ZNF804A: variants seen among roughly 807,000 people sequenced by gnomAD.
ZNF804A encodes zinc finger protein 804A.
In ZNF804A, 2 loss-of-function variants were observed where a neutral mutation model predicts 16.5. The ratio of observed to expected loss-of-function variants is 0.12; its 90% CI spans 0.05 to 0.38. The LOEUF is 0.38. Among genes scored for constraint, ZNF804A ranks in the 10% least tolerant of loss-of-function variants. The probability of loss-of-function intolerance (pLI) is 0.99; values close to 1 mark genes in which losing one functional copy is unlikely to be tolerated. For missense variants in ZNF804A, 1,473 were observed against 1,390.7 expected, an observed-to-expected ratio of 1.06 and a Z score of -0.94; for synonymous variants, 534 against 489.6, an observed-to-expected ratio of 1.09 and a Z score of -1.20.
intron 1 of ZNF804A, among the ~76,000 whole-genome samples, chr2:184,644,329 C>G (rs2105695855): frequency 6.6e-6 from 1 of 151,652 alleles, no homozygotes; most frequent in East Asian, 1.9e-4. Context: ...GTATTTATAA[C>G]CCATGCAGAA....
At chr2:184,688,839 T>G (rs1055948440) in intron 1 of ZNF804A, among the ~76,000 whole-genome samples, 15 of 152,148 alleles carry the variant, frequency 9.9e-5, no homozygotes, top group African/African-American at 3.6e-4. Flanking sequence ...ATGCTAAATA[T>G]CTGACTATTT....
At chr2:184,895,454 C>A (rs989088150) in intron 2 of ZNF804A, among the ~76,000 whole-genome samples, 1 of 152,138 alleles carries the variant, frequency 6.6e-6, no homozygotes, top group South Asian at 2.1e-4. Flanking sequence ...AATACTGAAT[C>A]GTTAATAAAA....
At chr2:184,745,262 T>A (rs541657173) in intron 1 of ZNF804A, among the ~76,000 whole-genome samples, 1 of 151,864 alleles carries the variant, frequency 6.6e-6, no homozygotes, top group African/African-American at 2.4e-5. Context: ...TACCCTACAT[T>A]AGTGTTCCCG....
At chr2:184,853,798 G>A (rs906453377) in intron 1 of ZNF804A, among the ~76,000 whole-genome samples, 28 of 147,272 alleles carry the variant, frequency 1.9e-4, no homozygotes, top group Admixed American at 1.7e-3. Flanking sequence ...TTGTTTGCTA[G>A]TACTTTATGC....
intron 1 of ZNF804A, among the ~76,000 whole-genome samples, chr2:184,676,809 T>G (rs1368856902): frequency 1.3e-5 from 2 of 151,800 alleles, no homozygotes; most frequent in Non-Finnish European, 3.0e-5. Context: ...TCTATGACCT[T>G]TTAGACTTCT....
chr2:184,907,380 T>C (rs180949773), intron 2 of ZNF804A, among the ~76,000 whole-genome samples: 96 of 152,312 alleles, frequency 6.3e-4, no homozygotes, highest in African/African-American at 2.0e-3. Flanking sequence ...GTTTTCTTCT[T>C]GTTTTTGACA....
intron 2 of ZNF804A, among the ~76,000 whole-genome samples, chr2:184,924,591 T>G (rs763906097): frequency 6.6e-6 from 1 of 151,710 alleles, no homozygotes; most frequent in Non-Finnish European, 1.5e-5. Context: ...TTTTTTCTTC[T>G]ACTAATTTTG....
rs538258206 is a variant in ZNF804A, at chr2:184,888,112, C to A, written c.255+21600C>A. ...ATATTACAGAACTGTACATGTAACC[C>A]TGAACCTAAAATAAAAATTTTTAAT... On this transcript the variant is annotated intron_variant, in intron 2 of 3. Transcript: ENST00000302277. Among the ~76,000 whole-genome samples the A allele has an allele frequency of 2.6e-5, 4 of 152,028 alleles. No homozygotes were observed. The East Asian group carries it at 7.7e-4, about 29-fold the overall frequency.
chr2:184,927,351 T>A (rs1685627552), intron 2 of ZNF804A, among the ~76,000 whole-genome samples: 2 of 151,342 alleles, frequency 1.3e-5, no homozygotes, highest in Admixed American at 1.3e-4. Context: ...ACAAATGGAG[T>A]CTCTCTCTCT....
chr2:184,763,417 C>T (rs1322799007), intron 1 of ZNF804A, among the ~76,000 whole-genome samples: 1 of 151,866 alleles, frequency 6.6e-6, no homozygotes, highest in Non-Finnish European at 1.5e-5. Context: ...TAATATTGTT[C>T]GTTTCTTTGT....
At chr2:184,850,257 T>G (rs368563343) in intron 1 of ZNF804A, among the ~76,000 whole-genome samples, 108 of 152,026 alleles carry the variant, frequency 7.1e-4, no homozygotes, top group African/African-American at 2.5e-3. Flanking sequence ...TGATGAATGC[T>G]TGAGGTGATG....
At chr2:184,776,749 G>C (rs1322174072) in intron 1 of ZNF804A, among the ~76,000 whole-genome samples, 1 of 151,400 alleles carries the variant, frequency 6.6e-6, no homozygotes, top group Non-Finnish European at 1.5e-5. Context: ...TAGTACCCCA[G>C]GGATTAGAGT....
intron 1 of ZNF804A, among the ~76,000 whole-genome samples, chr2:184,799,279 G>A (rs558201477): frequency 1.4e-4 from 22 of 151,974 alleles, no homozygotes; most frequent in African/African-American, 3.9e-4. Context: ...CCTCTCATCC[G>A]CCATGATGAT....
chr2:184,632,638 A>G (rs1691632508), intron 1 of ZNF804A, among the ~76,000 whole-genome samples: 1 of 152,198 alleles, frequency 6.6e-6, no homozygotes, highest in Admixed American at 6.5e-5. Flanking sequence ...TCTGCCTCCC[A>G]AAAAGCTGAG....
At chr2:184,754,915 C>T (rs887108033) in intron 1 of ZNF804A, among the ~76,000 whole-genome samples, 1 of 151,682 alleles carries the variant, frequency 6.6e-6, no homozygotes. Context: ...GAGAAGAAAG[C>T]CACACACCTT....
chr2:184,775,334 T>G (rs1051759567), intron 1 of ZNF804A, among the ~76,000 whole-genome samples: 10 of 151,734 alleles, frequency 6.6e-5, no homozygotes, highest in African/African-American at 2.4e-4. Context: ...AGCAATGATA[T>G]GAAACCACAA....
intron 1 of ZNF804A, among the ~76,000 whole-genome samples, chr2:184,607,066 A>G (rs1446044582): frequency 1.3e-5 from 2 of 152,210 alleles, no homozygotes; most frequent in African/African-American, 2.4e-5. Context: ...TTTTTCTGCT[A>G]TTTTATATAC....
intron 1 of ZNF804A, among the ~76,000 whole-genome samples, chr2:184,649,826 T>C (rs997495458): frequency 8.5e-5 from 10 of 117,394 alleles, no homozygotes; most frequent in African/African-American, 2.9e-4. Context: ...AACCTACAAA[T>C]CAACCAAAAA....
intron 1 of ZNF804A, among the ~76,000 whole-genome samples, chr2:184,630,807 G>A (rs772369339): frequency 1.3e-5 from 2 of 151,946 alleles, no homozygotes; most frequent in Admixed American, 6.6e-5. Context: ...TATACCAAGA[G>A]CTGTTGAGGC....
Sources: allele counts gnomAD v4.1 joint callset (sites outside exome capture counted in the v4.1 genomes callset), GRCh38; gene constraint gnomAD v4.1.1; transcripts MANE v1.5; gene names NCBI Gene and HGNC (gene_info 2026-07-23, HGNC 2026-07-21).